Variants in ESR1 observed in about 807,000 individuals in gnomAD.
ESR1 encodes estrogen receptor.
ESR1 carries 12 observed loss-of-function variants against 52.7 expected under a neutral mutation model. The ratio of observed to expected loss-of-function variants is 0.23; its 90% CI spans 0.15 to 0.37. ESR1 has a LOEUF of 0.37. Ranked by LOEUF, ESR1 falls within the 10% of genes least tolerant of loss-of-function variation. The pLI is 1.00. For missense variants in ESR1, 584 were observed against 779.7 expected (o/e 0.75, Z 2.99); for synonymous variants, 305 against 316.8 (o/e 0.96, Z 0.39).
intron 2 of ESR1, among the ~76,000 whole-genome samples, chr6:151,745,188 T>C (rs1263015075): frequency 1.3e-5 from 2 of 152,184 alleles, no homozygotes; most frequent in Non-Finnish European, 2.9e-5. Context: ...AGGTCCTATC[T>C]AGCATGACCT....
At chr6:151,690,891 T>C (rs1046498666) in intron 1 of ESR1, among the ~76,000 whole-genome samples, 7 of 152,194 alleles carry the variant, frequency 4.6e-5, no homozygotes, top group African/African-American at 1.4e-4. Flanking sequence ...TAGAATAATA[T>C]TTAGCTGAGG....
At chr6:151,704,138 A>C (rs759674484) in intron 2 of ESR1, among the ~76,000 whole-genome samples, 42 of 152,244 alleles carry the variant, frequency 2.8e-4, no homozygotes, top group Admixed American at 1.6e-3. Context: ...ATGTATGTTG[A>C]TAGGTTAGTG....
chr6:151,986,310 C>A (rs1235000478), intron 4 of ESR1, among the ~76,000 whole-genome samples: 1 of 152,022 alleles, frequency 6.6e-6, no homozygotes, highest in Non-Finnish European at 1.5e-5. Context: ...TTGTGATGAG[C>A]AAAATGTTAG....
At chr6:151,871,143 C>T (rs1436192688) in intron 2 of ESR1, among the ~76,000 whole-genome samples, 1 of 151,814 alleles carries the variant, frequency 6.6e-6, no homozygotes, top group Non-Finnish European at 1.5e-5. Flanking sequence ...CCACACCCAG[C>T]CTTCAACTTC....
intron 7 of ESR1, among the ~76,000 whole-genome samples, chr6:152,097,737 G>GCCCATTTCCCC (rs2050735640): frequency 2.0e-5 from 3 of 152,126 alleles, no homozygotes; most frequent in African/African-American, 4.8e-5. Context: ...CCCATTTCCC[G>GCCCATTTCCCC]CTGCCCATTT....
chr6:151,866,955 A>G (rs2128300247), intron 2 of ESR1, among the ~76,000 whole-genome samples: 1 of 152,292 alleles, frequency 6.6e-6, no homozygotes, highest in Non-Finnish European at 1.5e-5. Flanking sequence ...CCTCAGAAAT[A>G]ATGCTACACA....
At chr6:151,731,481 G>C (rs968905885) in intron 2 of ESR1, among the ~76,000 whole-genome samples, 3 of 152,142 alleles carry the variant, frequency 2.0e-5, no homozygotes, top group Non-Finnish European at 4.4e-5. Context: ...GCAGCTGCTT[G>C]TCCCATGGAT....
chr6:151,762,884 G>A (rs893546917), intron 2 of ESR1, among the ~76,000 whole-genome samples: 1 of 152,004 alleles, frequency 6.6e-6, no homozygotes, highest in Non-Finnish European at 1.5e-5. Flanking sequence ...AAATCGCAGT[G>A]AGCCGAGATC....
chr6:152,011,030 A>G (rs2042723670), intron 4 of ESR1, among the ~76,000 whole-genome samples: 1 of 152,018 alleles, frequency 6.6e-6, no homozygotes, highest in Non-Finnish European at 1.5e-5. Flanking sequence ...TTAATCTCCT[A>G]GTTCACCATT....
chr6:151,958,307 C>T (rs1032657633), intron 4 of ESR1, among the ~76,000 whole-genome samples: 7 of 143,676 alleles, frequency 4.9e-5, no homozygotes, highest in Middle Eastern at 3.5e-3. Context: ...CACTAAGGCT[C>T]TTTTGGGGAA....
At chr6:152,031,944 G>A (rs1562698667) in intron 5 of ESR1, among the ~76,000 whole-genome samples, 1 of 152,150 alleles carries the variant, frequency 6.6e-6, no homozygotes, top group Non-Finnish European at 1.5e-5. Context: ...TATCCACCAT[G>A]GTCAAGTGGG....
intron 1 of ESR1, among the ~76,000 whole-genome samples, chr6:151,697,013 A>G (rs2115388497): frequency 6.6e-6 from 1 of 152,268 alleles, no homozygotes; most frequent in Admixed American, 6.5e-5. Context: ...ATAGTTAAGA[A>G]AAGTGCAAGG....
intron 2 of ESR1, among the ~76,000 whole-genome samples, chr6:151,845,445 TG>T (rs950244178): frequency 2.0e-5 from 3 of 152,140 alleles, no homozygotes; most frequent in Non-Finnish European, 2.9e-5. Flanking sequence ...GGTGCACACC[TG>T]TAGTCCCAGC....
chr6:151,864,845 A>G (rs1401071686), intron 2 of ESR1, among the ~76,000 whole-genome samples: 1 of 150,644 alleles, frequency 6.6e-6, no homozygotes, highest in Admixed American at 6.7e-5. Context: ...AGGACAAAAA[A>G]CCAAACACTG....
intron 2 of ESR1, among the ~76,000 whole-genome samples, chr6:151,714,611 G>A (rs1780881051): frequency 6.6e-6 from 1 of 151,858 alleles, no homozygotes; most frequent in Non-Finnish European, 1.5e-5. Context: ...TGTCTTTTTT[G>A]ATCTTTGTTG....
chr6:151,685,157 C>G (rs1173669447), intron 1 of ESR1, among the ~76,000 whole-genome samples: 2 of 115,746 alleles, frequency 1.7e-5, no homozygotes, highest in Non-Finnish European at 3.3e-5. Context: ...GACGGAGTCT[C>G]GCTCTGTCGC....
chr6:152,126,419 A>G (rs1361018324), exon 7 of ESR1: 2 of 152,238 alleles, frequency 1.3e-5, no homozygotes, highest in South Asian at 4.1e-4. Flanking sequence ...GGGAAATTTC[A>G]TAAGGGAAAG....
intron 1 of ESR1, among the ~76,000 whole-genome samples, chr6:151,694,924 T>G (rs1323475069): frequency 6.6e-6 from 1 of 152,226 alleles, no homozygotes; most frequent in South Asian, 2.1e-4. Flanking sequence ...AGGGGCAGAT[T>G]GGTTTATGCT....
At chr6:152,120,731 G>C (rs1283351091) in intron 6 of ESR1, among the ~76,000 whole-genome samples, 1 of 152,098 alleles carries the variant, frequency 6.6e-6, no homozygotes, top group Admixed American at 6.6e-5. Flanking sequence ...CCATCCCAGA[G>C]GTTGAACTAG....
Sources: gnomAD v4.1 joint callset for allele counts (sites outside exome capture counted in the v4.1 genomes callset) on GRCh38, gnomAD v4.1.1 for gene constraint, MANE v1.5 for transcripts, NCBI Gene and HGNC (gene_info 2026-07-23, HGNC 2026-07-21) for gene names.